CIT: variants seen among roughly 807,000 people sequenced by gnomAD.
CIT encodes the protein citron rho-interacting serine/threonine kinase.
In CIT, 79 loss-of-function variants were observed where a neutral mutation model predicts 272.7. The ratio of observed to expected loss-of-function variants is 0.29; its 90% CI spans 0.24 to 0.35. The LOEUF is 0.35. Among genes scored for constraint, CIT ranks in the 10% least tolerant of loss-of-function variants. The probability of loss-of-function intolerance (pLI) is 1.00; values close to 1 mark genes in which losing one functional copy is unlikely to be tolerated. For synonymous variants in CIT, 948 were observed against 995.6 expected, an observed-to-expected ratio of 0.95 and a Z score of 0.90; for missense variants, 1,909 against 2,618.3, an observed-to-expected ratio of 0.73 and a Z score of 5.91.
At chr12:119,807,069 G>A (rs182364320) in intron 9 of CIT, among the ~76,000 whole-genome samples, 31 of 152,232 alleles carry the variant, frequency 2.0e-4, no homozygotes, top group Admixed American at 7.2e-4. Flanking sequence ...CACCACTCAG[G>A]AGCTGGTTAG....
At chr12:119,688,299 A>G (rs1195330782) in intron 47 of CIT, 44 bp from the exon 48 acceptor site, 14 of 1,591,864 alleles carry the variant, frequency 8.8e-6, no homozygotes, top group Non-Finnish European at 1.2e-5. Context: ...CGAGGCCAGA[A>G]GTTGCTGTGC....
chr12:119,795,666 G>GT (rs1173840659), intron 10 of CIT, among the ~76,000 whole-genome samples: 1 of 152,138 alleles, frequency 6.6e-6, no homozygotes, highest in Admixed American at 6.5e-5. Flanking sequence ...TAGAGGCAGG[G>GT]TAGATAGTAC....
At chr12:119,868,971 A>T in intron 3 of CIT, 89 bp downstream of exon 3, 1 of 1,465,422 alleles carries the variant, frequency 6.8e-7, no homozygotes, top group Non-Finnish European at 9.4e-7. Context: ...CTTACCGACT[A>T]CTATCAACCA....
chr12:119,702,024 T>TAGGCAGAAGCAGAACAGC, intron 41 of CIT, 66 bp from the exon 42 acceptor site: 3 of 1,182,766 alleles, frequency 2.5e-6, no homozygotes, highest in Non-Finnish European at 3.8e-6. Flanking sequence ...TCCACAGCTG[T>TAGGCAGAAGCAGAACAGC]TCTGCTTCTG....
chr12:119,827,250 G>A (rs1968249290), intron 7 of CIT, among the ~76,000 whole-genome samples: 1 of 152,028 alleles, frequency 6.6e-6, no homozygotes, highest in African/African-American at 2.4e-5. Flanking sequence ...AAAATATTTG[G>A]CCTAAGACAA....
intron 20 of CIT, among the ~76,000 whole-genome samples, chr12:119,760,321 A>G (rs1961601222): frequency 6.6e-6 from 1 of 152,072 alleles, no homozygotes; most frequent in Admixed American, 6.6e-5. Context: ...AAAAGAGACA[A>G]ACAGGCAAGT....
At chr12:119,850,461 A>T (rs1970143049) in intron 4 of CIT, among the ~76,000 whole-genome samples, 186 bp from the exon 5 acceptor site, 1 of 147,150 alleles carries the variant, frequency 6.8e-6, no homozygotes, top group Non-Finnish European at 1.5e-5. Context: ...AAGGGAAGGG[A>T]AGGGGAAGGG....
intron 7 of CIT, among the ~76,000 whole-genome samples, chr12:119,829,359 G>T (rs796849995): frequency 4.8e-5 from 4 of 82,820 alleles, no homozygotes; most frequent in Non-Finnish European, 9.1e-5. Context: ...GAGAAGAGAA[G>T]AGAAGAGAAG....
chr12:119,740,824 C>T (rs1171284690), intron 24 of CIT, among the ~76,000 whole-genome samples: 1 of 152,062 alleles, frequency 6.6e-6, no homozygotes, highest in Admixed American at 6.6e-5. Context: ...AATGTCACCC[C>T]CCAACTCCTC....
chr12:119,798,236 A>G (rs1223976754), intron 10 of CIT, among the ~76,000 whole-genome samples: 1 of 152,034 alleles, frequency 6.6e-6, no homozygotes, highest in Non-Finnish European at 1.5e-5. Context: ...CTCCCATCAC[A>G]CCCTGCCCCA....
At chr12:119,734,104 T>A in intron 26 of CIT, 60 bp downstream of exon 26, 2 of 1,553,252 alleles carry the variant, frequency 1.3e-6, no homozygotes, top group Non-Finnish European at 1.8e-6. Flanking sequence ...TGTCCACAAC[T>A]CTCAGGCCGA....
chr12:119,706,661 A>G (rs1956891410), intron 40 of CIT, among the ~76,000 whole-genome samples: 1 of 152,202 alleles, frequency 6.6e-6, no homozygotes, highest in East Asian at 1.9e-4. Flanking sequence ...GTGTATATGT[A>G]CCACATTTTC....
At chr12:119,823,863 A>T (rs957761794) in intron 8 of CIT, among the ~76,000 whole-genome samples, 1 of 151,804 alleles carries the variant, frequency 6.6e-6, no homozygotes, top group Non-Finnish European at 1.5e-5. Context: ...AACATGGTGA[A>T]ACCCCATCTC....
chr12:119,816,344 T>G (rs1037541213), intron 9 of CIT, among the ~76,000 whole-genome samples: 2 of 152,144 alleles, frequency 1.3e-5, no homozygotes, highest in Non-Finnish European at 2.9e-5. Flanking sequence ...AGAAAAGCTT[T>G]AAATTCCTCA....
intron 46 of CIT, among the ~76,000 whole-genome samples, chr12:119,693,037 G>A (rs1395353913): frequency 2.0e-5 from 3 of 152,074 alleles, no homozygotes; most frequent in Non-Finnish European, 4.4e-5. Flanking sequence ...ATGATAAGAT[G>A]TGTCCACAAG....
At chr12:119,760,654 A>G (rs1362699111) in intron 20 of CIT, among the ~76,000 whole-genome samples, 2 of 152,010 alleles carry the variant, frequency 1.3e-5, no homozygotes, top group Non-Finnish European at 2.9e-5. Context: ...CAGGAAGACC[A>G]AGAGCCACTG....
intron 7 of CIT, among the ~76,000 whole-genome samples, chr12:119,829,531 T>G (rs993474335): frequency 2.0e-5 from 3 of 152,166 alleles, no homozygotes; most frequent in African/African-American, 7.2e-5. Flanking sequence ...AAAATAAAGC[T>G]TTTCACTCCT....
At chr12:119,750,736 A>C (rs898396838) in intron 23 of CIT, among the ~76,000 whole-genome samples, 2 of 149,392 alleles carry the variant, frequency 1.3e-5, no homozygotes, top group African/African-American at 2.5e-5. Context: ...AACTACGTTA[A>C]ATATATATAG....
At chr12:119,818,675 T>C (rs768845384) in intron 9 of CIT, among the ~76,000 whole-genome samples, 2 of 152,118 alleles carry the variant, frequency 1.3e-5, no homozygotes, top group African/African-American at 4.8e-5. Flanking sequence ...TTTCAGAGAA[T>C]AGCAAAAGAA....
Sources: gnomAD v4.1 joint callset for allele counts (sites outside exome capture counted in the v4.1 genomes callset) on GRCh38, gnomAD v4.1.1 for gene constraint, MANE v1.5 for transcripts, NCBI Gene and HGNC (gene_info 2026-07-23, HGNC 2026-07-21) for gene names.